The following ZHX2 variants were observed in gnomAD, a reference collection of about 807,000 sequenced individuals.
ZHX2 encodes the protein zinc fingers and homeoboxes 2, also known as zinc fingers and homeoboxes protein 2.
ZHX2 carries 6 observed loss-of-function variants against 21.9 expected under a neutral mutation model. The ratio of observed to expected loss-of-function variants is 0.27; its 90% confidence interval spans 0.15 to 0.54. ZHX2 has a LOEUF of 0.54. ZHX2 is among the 20% of genes least tolerant of loss of function. The pLI is 0.95. For synonymous variants in ZHX2, 434 were observed against 437.1 expected, an observed-to-expected ratio of 0.99 and a Z score of 0.09; for missense variants, 908 against 1,090.7, an observed-to-expected ratio of 0.83 and a Z score of 2.36.
At chr8:122,961,281 G>A (rs766529648) in intron 3 of ZHX2, among the ~76,000 whole-genome samples, 19 of 152,200 alleles carry the variant, frequency 1.2e-4, no homozygotes, top group Non-Finnish European at 5.9e-5. Context: ...CCAGTCCTAT[G>A]AGATTAGGAC....
At chr8:122,784,834 A>G (rs939284423) in intron 1 of ZHX2, among the ~76,000 whole-genome samples, 3 of 152,172 alleles carry the variant, frequency 2.0e-5, no homozygotes, top group African/African-American at 7.2e-5. Flanking sequence ...CCAAGTCCAA[A>G]CAGCTAGTAA....
upstream of ZHX2, chr8:122,780,541 T>G (rs548748096): frequency 6.6e-6 from 1 of 152,374 alleles, no homozygotes; most frequent in East Asian, 1.9e-4. Flanking sequence ...GATCCCGAAG[T>G]GTACCCAGAT....
intron 3 of ZHX2, among the ~76,000 whole-genome samples, chr8:122,971,300 T>C (rs1813714550): frequency 6.6e-6 from 1 of 151,424 alleles, no homozygotes; most frequent in African/African-American, 2.4e-5. Context: ...TTTTTTTTTT[T>C]TTTTCCTGGT....
chr8:122,889,791 G>A (rs1819931213), intron 2 of ZHX2, among the ~76,000 whole-genome samples: 1 of 152,144 alleles, frequency 6.6e-6, no homozygotes. Context: ...TCATATAGTA[G>A]GGTTTGCAGG....
At chr8:122,895,780 G>A (rs1325168808) in intron 2 of ZHX2, among the ~76,000 whole-genome samples, 3 of 150,362 alleles carry the variant, frequency 2.0e-5, no homozygotes, top group African/African-American at 7.3e-5. Flanking sequence ...GATAAGCATA[G>A]AAGAGAGGCA....
At chr8:122,819,398 G>T (rs554815223) in intron 1 of ZHX2, among the ~76,000 whole-genome samples, 3 of 152,216 alleles carry the variant, frequency 2.0e-5, no homozygotes, top group African/African-American at 2.4e-5. Context: ...CCCAGCATGC[G>T]TGCTCACAGT....
At chr8:122,922,320 C>T (rs1388296672) in intron 2 of ZHX2, among the ~76,000 whole-genome samples, 3 of 151,664 alleles carry the variant, frequency 2.0e-5, no homozygotes, top group Admixed American at 6.6e-5. Flanking sequence ...ATAGGACAAG[C>T]GGGATTTTTT....
intron 1 of ZHX2, among the ~76,000 whole-genome samples, chr8:122,794,207 A>G (rs1020630839): frequency 1.3e-5 from 2 of 152,068 alleles, no homozygotes; most frequent in African/African-American, 4.8e-5. Flanking sequence ...TAGGAGTGTG[A>G]CTTCATGTTG....
At chr8:122,899,254 A>G (rs1820170973) in intron 2 of ZHX2, among the ~76,000 whole-genome samples, 1 of 151,996 alleles carries the variant, frequency 6.6e-6, no homozygotes, top group African/African-American at 2.4e-5. Flanking sequence ...AGATCCTCTT[A>G]CACCCTCTCT....
intron 1 of ZHX2, among the ~76,000 whole-genome samples, chr8:122,810,055 A>G (rs758402537): frequency 1.3e-5 from 2 of 152,138 alleles, no homozygotes; most frequent in Non-Finnish European, 2.9e-5. Context: ...AAAAATATAT[A>G]TATATTTTTA....
At chr8:122,900,232 C>T (rs1447368454) in intron 2 of ZHX2, among the ~76,000 whole-genome samples, 2 of 151,656 alleles carry the variant, frequency 1.3e-5, no homozygotes, top group South Asian at 2.1e-4. Flanking sequence ...GTACAAGAAG[C>T]GTGGTGCCAG....
chr8:122,794,876 C>G (rs1268734419), intron 1 of ZHX2, among the ~76,000 whole-genome samples: 1 of 152,198 alleles, frequency 6.6e-6, no homozygotes, highest in African/African-American at 2.4e-5. Context: ...GCAAAACCTA[C>G]TTTTTTCTAC....
intron 2 of ZHX2, among the ~76,000 whole-genome samples, chr8:122,936,008 C>T (rs1812678748): frequency 1.3e-5 from 2 of 152,146 alleles, no homozygotes; most frequent in Admixed American, 1.3e-4. Context: ...GTGTCTGGCA[C>T]ATAGCAGGCA....
rs887279169 is a variant in ZHX2 at position 122,782,661 on chromosome 8, C to T, written c.-283+715C>T. Among the ~76,000 whole-genome samples the T allele has an allele frequency of 1.3e-5, 2 of 152,104 alleles. No homozygotes were observed. Among genetic ancestry groups the T allele is most frequent in the African/African-American group, 4.8e-5 (2 of 41,446 alleles). On this transcript the variant is annotated intron_variant, in intron 1 of 3. Coordinates refer to ENST00000314393, the MANE Select transcript of ZHX2 (RefSeq NM_014943.5). The surrounding 1 kb of genome is among the most constrained non-coding windows in gnomAD (Gnocchi z 5.3). ...GCAGCGCGGGCGGCAGCCGAGCTAC[C>T]TGGCGGGGGCAGGGCCGGAGCGCGG... is the stretch of plus-strand genomic sequence containing the variant.
chr8:122,872,967 C>G (rs1343396715), intron 2 of ZHX2, among the ~76,000 whole-genome samples: 1 of 152,128 alleles, frequency 6.6e-6, no homozygotes, highest in Non-Finnish European at 1.5e-5. Context: ...CCAGCAAATG[C>G]CCTGGAATTG....
chr8:122,895,193 G>A (rs1820071377), intron 2 of ZHX2, among the ~76,000 whole-genome samples: 1 of 152,114 alleles, frequency 6.6e-6, no homozygotes, highest in Non-Finnish European at 1.5e-5. Flanking sequence ...CTTTAAAGGG[G>A]GCACACGGGT....
At chr8:122,848,820 G>A (rs1455939408) in intron 1 of ZHX2, among the ~76,000 whole-genome samples, 2 of 152,234 alleles carry the variant, frequency 1.3e-5, no homozygotes, top group Admixed American at 6.5e-5. Context: ...CTCCGATCTC[G>A]GTCCTCATGG....
chr8:122,910,676 C>T (rs1430736362), intron 2 of ZHX2, among the ~76,000 whole-genome samples: 3 of 152,064 alleles, frequency 2.0e-5, no homozygotes, highest in Non-Finnish European at 2.9e-5. Context: ...ACGGACCAAC[C>T]CTCACCCTGG....
chr8:122,800,910 G>A (rs574423435), intron 1 of ZHX2, among the ~76,000 whole-genome samples: 23 of 152,240 alleles, frequency 1.5e-4, no homozygotes, highest in African/African-American at 4.6e-4. Flanking sequence ...ACAGGTGCGC[G>A]TGCACAAAAA....
Sources: gnomAD v4.1 joint callset for allele counts (sites outside exome capture counted in the v4.1 genomes callset) on GRCh38, gnomAD v4.1.1 for gene constraint, Gnocchi (gnomAD v3.1) non-coding constraint, MANE v1.5 for transcripts, NCBI Gene and HGNC (gene_info 2026-07-23, HGNC 2026-07-21) for gene names.